Variants in ATP13A3 observed in about 807,000 individuals in gnomAD.
ATP13A3 encodes polyamine-transporting ATPase 13A3.
Under a neutral mutation model 158.1 loss-of-function variants are expected in ATP13A3, and 59 were observed. The observed-to-expected ratio is 0.37, with a 90% CI of 0.30 to 0.46. The LOEUF is 0.46. Ranked by LOEUF, ATP13A3 falls within the 20% of genes least tolerant of loss-of-function variation. ATP13A3 has a pLI of 1.00. For synonymous variants in ATP13A3, 491 were observed against 504.3 expected (o/e 0.97, Z 0.35); for missense variants, 1,166 against 1,525.2 (o/e 0.76, Z 3.92).
At position 194,403,691 on chromosome 3, in the gene ATP13A3, T is replaced by A. The variant is rs1247965883; in HGVS notation, c.*2228A>T. On this transcript the variant is annotated 3_prime_UTR_variant, in exon 34 of 34. Transcript: ENST00000645319. Reference sequence around the variant, plus strand: ...CAGAATCAAAATTACTATGTAATGGTAACCTACGAGAGAAGACTCAGTCTA... The same window carrying A: ...CAGAATCAAAATTACTATGTAATGGAAACCTACGAGAGAAGACTCAGTCTA... 1 of 154,428 alleles carries A rather than the reference T, an allele frequency of 6.5e-6. No individual in the cohort carries two copies. The highest frequency in any genetic ancestry group is 1.4e-5 in the Non-Finnish European group (1 of 69,592). 9.6% of individuals were successfully genotyped at this position (154,428 alleles called of 1,614,324 possible).
chr3:194,463,602 T>C (rs1007680162), intron 2 of ATP13A3, among the ~76,000 whole-genome samples: 2 of 152,128 alleles, frequency 1.3e-5, no homozygotes, highest in Non-Finnish European at 2.9e-5. Context: ...GATCTCACAG[T>C]AGGACTATTA....
At chr3:194,444,140 T>C (rs1017799676) in intron 15 of ATP13A3, among the ~76,000 whole-genome samples, 22 of 152,354 alleles carry the variant, frequency 1.4e-4, no homozygotes, top group African/African-American at 5.3e-4. Flanking sequence ...GCCGTGCCCA[T>C]GCTACGGCCC....
chr3:194,421,224 A>T (rs1716342756), intron 30 of ATP13A3, among the ~76,000 whole-genome samples: 1 of 114,002 alleles, frequency 8.8e-6, no homozygotes, highest in South Asian at 3.0e-4. Context: ...AGGTGGAGAC[A>T]TATTTTTTAC....
rs764017393 is a variant in ATP13A3, at chr3:194,427,058, T to C, written c.3125+17A>G. 3.7e-5 allele frequency: 59 copies of C among 1,599,722 alleles called. No individual in the cohort carries two copies. The highest frequency in any genetic ancestry group is 3.1e-4 in the South Asian group (27 of 87,874). On this transcript the variant is annotated intron_variant, in intron 29 of 33. Transcript: ENST00000645319. ...CACATATTTTATATAGATTTTTACA[T>C]AGATTGACCAACTTACTCTGATTTT...
chr3:194,424,948 CCT>C (rs1278986879), intron 30 of ATP13A3, among the ~76,000 whole-genome samples: 2 of 152,188 alleles, frequency 1.3e-5, no homozygotes, highest in East Asian at 1.9e-4. Flanking sequence ...AACTGAGGAA[CCT>C]CTGTCTCCGC....
intron 33 of ATP13A3, among the ~76,000 whole-genome samples, chr3:194,409,436 A>C (rs1341814976): frequency 6.6e-6 from 1 of 152,194 alleles, no homozygotes; most frequent in Non-Finnish European, 1.5e-5. Flanking sequence ...TAAATTGGGC[A>C]CAAATCCTCA....
In ATP13A3 at chr3:194,448,178, C is replaced by T. The variant is rs1278827025; in HGVS notation, c.1151-169G>A. On this transcript the variant is annotated intron_variant, in intron 12 of 33. Coordinates refer to ENST00000645319, the MANE Select transcript of ATP13A3 (RefSeq NM_001367549.1). This position sits in a 1 kb window ranked among gnomAD's most constrained non-coding sequence, Gnocchi z 4.0. ...CTGCAAGCTCCGCCTCCTGGGTTCA[C>T]GCCATTCTCCTGCCTCAGCCTCCCG... Among the ~76,000 whole-genome samples the T allele has an allele frequency of 1.3e-5, 2 of 151,742 alleles. No homozygotes were observed. Among genetic ancestry groups the T allele is most frequent in the African/African-American group, 4.8e-5 (2 of 41,294 alleles).
chr3:194,472,449 G>A (rs927751351), intron 2 of ATP13A3, among the ~76,000 whole-genome samples: 3 of 152,160 alleles, frequency 2.0e-5, no homozygotes, highest in Non-Finnish European at 4.4e-5. Context: ...CATAGCCTTT[G>A]TATATGGCCT....
At position 194,437,315 on chromosome 3, in the gene ATP13A3, T is replaced by G. The variant is rs367653264; in HGVS notation, c.1995A>C (p.Glu665Asp). The G allele has an allele frequency of 2.0e-5, 33 of 1,614,120 alleles. No homozygotes were observed. In the African/African-American group the frequency reaches 4.0e-4, roughly 20 times the overall value. Reference sequence around the variant, plus strand: ...AAAGCATAGATATTTCCTTACCTGTTTCAGGTTTACAGAGACCGGCAATGG... The same window carrying G: ...AAAGCATAGATATTTCCTTACCTGTGTCAGGTTTACAGAGACCGGCAATGG... ...PEAIAGLCKP[E>D]TVPVDFQNVL... The change falls in exon 19 of 34, where the codon GAA becomes GAC. Residue 665 changes from glutamate to aspartate, a missense_variant. Physicochemically the swap from Glu to Asp is conservative, Grantham distance 45. This residue lies in a region of ATP13A3 where 997 missense variants were observed against 1,341.2 expected (regional missense o/e 0.74). Transcript: ENST00000645319.
At chr3:194,436,297 G>A (rs1717632708) in intron 20 of ATP13A3, among the ~76,000 whole-genome samples, 1 of 152,184 alleles carries the variant, frequency 6.6e-6, no homozygotes, top group African/African-American at 2.4e-5. Context: ...TACAGTCAAA[G>A]TGACAATCCT....
intron 2 of ATP13A3, among the ~76,000 whole-genome samples, chr3:194,476,424 C>T (rs540547179): frequency 2.6e-5 from 4 of 152,280 alleles, no homozygotes; most frequent in East Asian, 1.9e-4. Flanking sequence ...AAAAAATCTG[C>T]CCCACCACCC....
upstream of ATP13A3, among the ~76,000 whole-genome samples, chr3:194,491,632 C>T (rs188248199): frequency 4.4e-3 from 314 of 71,006 alleles, 15 homozygotes; most frequent in African/African-American, 0.02. Flanking sequence ...CCCCCTCCAT[C>T]TCTGACCTGG....
At chr3:194,484,750 T>C (rs961024570) in intron 2 of ATP13A3, among the ~76,000 whole-genome samples, 1 of 152,178 alleles carries the variant, frequency 6.6e-6, no homozygotes, top group Non-Finnish European at 1.5e-5. Flanking sequence ...TTTGGTGACC[T>C]AAACTAACTA....
chr3:194,431,416 G>C (rs748631674), intron 22 of ATP13A3, among the ~76,000 whole-genome samples, 190 bp from the exon 23 acceptor site: 31 of 152,142 alleles, frequency 2.0e-4, no homozygotes, highest in Admixed American at 1.1e-3. Context: ...AATGATGCAT[G>C]AACTGAGTAT....
In ATP13A3 at chr3:194,427,207, G is replaced by A. The variant is rs766450462; in HGVS notation, c.2993C>T (p.Pro998Leu). 3.1e-6 allele frequency: 5 copies of A among 1,610,452 alleles called. No homozygotes were observed. The highest frequency in any genetic ancestry group is 4.2e-6 in the Non-Finnish European group (5 of 1,179,242). Residue 998 changes from proline (P) to leucine (L), a missense_variant, in exon 29 of 34, where the codon CCT becomes CTT. Physicochemically the swap from Pro to Leu is moderately conservative, Grantham distance 98. Around this residue, in one of 3 missense-constraint regions of ATP13A3, gnomAD observed 997 missense variants for 1,341.2 expected, o/e 0.74. Coordinates refer to ENST00000645319, the MANE Select transcript of ATP13A3 (RefSeq NM_001367549.1). Reference protein sequence around the residue: ...AWKELVAQRPPSGLISGALLF... With the variant: ...AWKELVAQRPLSGLISGALLF... ...AAGGGCCCCAGATATAAGACCCGAA[G>A]GTGGTCTTTGTGCCACAAGTTCTTT...
intron 8 of ATP13A3, 108 bp downstream of exon 8, chr3:194,455,783 GAA>G: frequency 2.7e-6 from 2 of 736,966 alleles, no homozygotes; most frequent in South Asian, 3.6e-5. Flanking sequence ...GTAAAAATAT[GAA>G]AAAGAGGTTA....
Position 194,430,330 on chromosome 3 carries a change from A to G in ATP13A3, c.2625-15T>C. Reference sequence around the variant, plus strand: ...CAACAAAATAACTAAGAAACAAAACAATGTTAAGATTTTAATTAATTTCTT... The same window carrying G: ...CAACAAAATAACTAAGAAACAAAACGATGTTAAGATTTTAATTAATTTCTT... On this transcript the variant is annotated splice_polypyrimidine_tract_variant and intron_variant, in intron 24 of 33. Transcript: ENST00000645319. The G allele has an allele frequency of 1.2e-6, 2 of 1,610,894 alleles. No individual in the cohort carries two copies. Among genetic ancestry groups the G allele is most frequent in the Non-Finnish European group, 1.7e-6 (2 of 1,177,772 alleles).
chr3:194,409,799 C>T (rs1240633040), intron 33 of ATP13A3, among the ~76,000 whole-genome samples: 2 of 147,906 alleles, frequency 1.4e-5, no homozygotes, highest in African/African-American at 2.6e-5. Context: ...CAAATGTCCC[C>T]TGGGGAAATC....
Position 194,404,191 on chromosome 3 carries a change from T to G in ATP13A3, c.*1728A>C, listed in dbSNP as rs1356092876. 1 of 429,596 alleles carries G rather than the reference T, an allele frequency of 2.3e-6. No homozygotes were observed. The highest frequency in any genetic ancestry group is 7.2e-5 in the East Asian group (1 of 13,874). 26.6% of individuals were successfully genotyped at this position (429,596 alleles called of 1,614,324 possible). ...GCTCAAGAGGTCTAAGATGCATAGC[T>G]TCATAGAATCATTCATGGAACAACT... On this transcript the variant is annotated 3_prime_UTR_variant, in exon 34 of 34. Coordinates refer to ENST00000645319, the MANE Select transcript of ATP13A3 (RefSeq NM_001367549.1).
Sources: gnomAD v4.1 joint callset for allele counts (sites outside exome capture counted in the v4.1 genomes callset) on GRCh38, gnomAD v4.1.1 for gene constraint, gnomAD v4.1.1 regional missense constraint, Gnocchi (gnomAD v3.1) non-coding constraint, MANE v1.5 for transcripts, NCBI Gene and HGNC (gene_info 2026-07-23, HGNC 2026-07-21) for gene names.